Variants in AKR1B15 observed in about 807,000 individuals in gnomAD.
AKR1B15 encodes estradiol 17-beta-dehydrogenase AKR1B15.
AKR1B15 carries 49 observed loss-of-function variants against 38.5 expected under a neutral mutation model. The observed-to-expected ratio is 1.27, with a 90% CI of 1.01 to 1.62. The LOEUF (loss-of-function observed/expected upper bound fraction) is 1.62, where lower values mean the gene tolerates loss of function less well. Among genes scored for constraint, AKR1B15 ranks in the 40% most tolerant of loss-of-function variants. The probability of loss-of-function intolerance (pLI) is 0.00; values close to 1 mark genes in which losing one functional copy is unlikely to be tolerated. For synonymous variants in AKR1B15, 137 were observed against 135.5 expected (o/e 1.01, Z -0.08); for missense variants, 411 against 381.6 (o/e 1.08, Z -0.64).
intron 11 of AKR1B15, among the ~76,000 whole-genome samples, chr7:134,579,063 A>G (rs1794824548): frequency 6.6e-6 from 1 of 152,204 alleles, no homozygotes. Flanking sequence ...ATAAAGTAGG[A>G]TGATAATACT....
At chr7:134,549,783 G>C (rs1453294035) in intron 1 of AKR1B15, among the ~76,000 whole-genome samples, 2 of 152,176 alleles carry the variant, frequency 1.3e-5, no homozygotes, top group African/African-American at 4.8e-5. Flanking sequence ...ATATACCCCA[G>C]TGCCTATTGT....
At chr7:134,577,113 A>G (rs1047165171) in intron 10 of AKR1B15, 67 bp downstream of exon 10, 18 of 1,471,156 alleles carry the variant, frequency 1.2e-5, no homozygotes, top group Non-Finnish European at 1.7e-5. Context: ...CCTTCTCACT[A>G]GGCTTCTCAC....
chr7:134,571,969 G>C (rs1024705152), intron 6 of AKR1B15, among the ~76,000 whole-genome samples: 5 of 152,148 alleles, frequency 3.3e-5, no homozygotes, highest in African/African-American at 1.2e-4. Context: ...TGGAACAGAG[G>C]GTTTGGGCCT....
intron 7 of AKR1B15, 91 bp downstream of exon 7, chr7:134,575,633 A>T: frequency 3.2e-6 from 5 of 1,584,210 alleles, no homozygotes; most frequent in Non-Finnish European, 4.3e-6. Context: ...CCTGAGTCTT[A>T]TCTCAGGGGT....
rs985705364 is a variant in AKR1B15 at position 134,559,197 on chromosome 7, G to A, written c.-23+2338G>A. On this transcript the variant is annotated intron_variant, in intron 2 of 11. Coordinates refer to ENST00000457545, the MANE Select transcript of AKR1B15 (RefSeq NM_001080538.3). ...TTTTTAACCCTTCAGTTTGATGCCTGTTCAGTCATCCCGTATGGAGATGAG... is the reference window on the plus strand; with the variant it reads ...TTTTTAACCCTTCAGTTTGATGCCTATTCAGTCATCCCGTATGGAGATGAG... 2.6e-5 allele frequency among the ~76,000 whole-genome samples: 4 copies of A among 152,224 alleles called. No individual in the cohort carries two copies. The South Asian group carries it at 8.3e-4, about 32-fold the overall frequency.
At chr7:134,573,860 A>C (rs1794711322) in intron 6 of AKR1B15, among the ~76,000 whole-genome samples, 1 of 152,190 alleles carries the variant, frequency 6.6e-6, no homozygotes, top group South Asian at 2.1e-4. Flanking sequence ...CTCAGACAAA[A>C]TCAGTAAGAA....
At chr7:134,560,097 G>T (rs1051080599) in intron 2 of AKR1B15, among the ~76,000 whole-genome samples, 8 of 142,528 alleles carry the variant, frequency 5.6e-5, no homozygotes, top group African/African-American at 1.8e-4. Context: ...GACAGAGCGA[G>T]ACTCCACCTA....
In AKR1B15 at chr7:134,576,311, C is replaced by A. The variant is rs1288996533; in HGVS notation, c.744-38C>A. The A allele has an allele frequency of 3.8e-6, 6 of 1,591,266 alleles. No homozygotes were observed. The East Asian group carries it at 1.3e-4, about 36-fold the overall frequency. The stretch of plus-strand genomic sequence containing the variant: ...GTGGTGTCCTTCTGTACACGGTAGC[C>A]ATGGTGATTATTCACATCAGCATCT... On this transcript the variant is annotated intron_variant, in intron 8 of 11. Transcript: ENST00000457545.
intron 6 of AKR1B15, among the ~76,000 whole-genome samples, chr7:134,572,536 G>C (rs909511998): frequency 2.3e-4 from 35 of 151,954 alleles, no homozygotes; most frequent in African/African-American, 8.2e-4. Context: ...GCTGAGGCAG[G>C]AGAATTGTGT....
intron 3 of AKR1B15, among the ~76,000 whole-genome samples, chr7:134,566,570 C>G (rs1296301163): frequency 1.3e-5 from 2 of 152,186 alleles, no homozygotes; most frequent in African/African-American, 4.8e-5. Flanking sequence ...CACTGCCTCC[C>G]TCTGCCTTCT....
intron 2 of AKR1B15, among the ~76,000 whole-genome samples, chr7:134,563,463 G>C (rs1245431549): frequency 2.6e-5 from 4 of 152,154 alleles, no homozygotes; most frequent in African/African-American, 9.7e-5. Flanking sequence ...CAGGAGAATT[G>C]CTTGAACCTG....
At chr7:134,575,395 C>A (rs1281256486) in intron 6 of AKR1B15, 25 bp from the exon 7 acceptor site, 4 of 1,612,958 alleles carry the variant, frequency 2.5e-6, no homozygotes, top group Non-Finnish European at 3.4e-6. Context: ...TAGAGCTGCC[C>A]ATAAGGTATT....
intron 1 of AKR1B15, among the ~76,000 whole-genome samples, chr7:134,555,835 T>C (rs77740601): frequency 0.018 from 2,715 of 152,280 alleles, 36 homozygotes; most frequent in Middle Eastern, 0.061. Flanking sequence ...CTTTTACCTT[T>C]GTCCTGGAAA....
rs1181135610 is a variant in AKR1B15 at position 134,575,529 on chromosome 7, C to T, written c.623C>T (p.Pro208Leu). The change falls in exon 7 of 12, where the codon CCA (proline) becomes CTA (leucine). Residue 208 changes from proline to leucine, a missense_variant. Around this residue, in one of 3 missense-constraint regions of AKR1B15, gnomAD observed 24 missense variants for 48.9 expected, o/e 0.49. Transcript: ENST00000457545. Reference protein sequence around the residue: ...LLNKPGLKYKPVTNQVECHPY... With the variant: ...LLNKPGLKYKLVTNQVECHPY... Reference sequence around the variant, plus strand: ...AACAAACCTGGACTGAAATATAAACCAGTGACTAACCAGGTAAATTCTATT... The same window carrying T: ...AACAAACCTGGACTGAAATATAAACTAGTGACTAACCAGGTAAATTCTATT... The T allele has an allele frequency of 6.2e-7, 1 of 1,613,810 alleles. No homozygotes were observed. The highest frequency in any genetic ancestry group is 2.2e-5 in the East Asian group (1 of 44,870).
chr7:134,570,309 T>C (rs1794642099), intron 5 of AKR1B15: 1 of 152,172 alleles, frequency 6.6e-6, no homozygotes, highest in African/African-American at 2.4e-5. Flanking sequence ...TGCCCGAAAC[T>C]TCATTAGCAA....
intron 11 of AKR1B15, among the ~76,000 whole-genome samples, chr7:134,578,996 C>A (rs534857100): frequency 1.3e-5 from 2 of 152,310 alleles, no homozygotes; most frequent in African/African-American, 4.8e-5. Flanking sequence ...ACACTGGTTT[C>A]TTCGCTGTGT....
intron 1 of AKR1B15, among the ~76,000 whole-genome samples, chr7:134,551,192 T>C (rs1159847265): frequency 6.6e-6 from 1 of 152,172 alleles, no homozygotes. Context: ...GAATCTTCCC[T>C]TGTCTCCTCA....
At position 134,576,415 on chromosome 7, in the gene AKR1B15, A is replaced by C. The variant is rs1451340305; in HGVS notation, c.810A>C (p.Lys270Asn). The C allele has an allele frequency of 1.2e-6, 2 of 1,614,154 alleles. No homozygotes were observed. The highest frequency in any genetic ancestry group is 1.7e-6 in the Non-Finnish European group (2 of 1,179,988). Reference sequence around the variant, plus strand: ...TTAAGGAGATTGCTGCAAAGCACAAAAAAACCACAGCCCAGGTACCATATT... The same window carrying C: ...TTAAGGAGATTGCTGCAAAGCACAACAAAACCACAGCCCAGGTACCATATT... ...PKIKEIAAKHKKTTAQVLIRF... is the reference protein window; with the variant it reads ...PKIKEIAAKHNKTTAQVLIRF... The change falls in exon 9 of 12, where the codon AAA (lysine) becomes AAC (asparagine). Residue 270 changes from lysine to asparagine, a missense_variant. By Grantham distance (94) the Lys-to-Asn change is moderately conservative. Around this residue, in one of 3 missense-constraint regions of AKR1B15, gnomAD observed 133 missense variants for 120.3 expected, o/e 1.11. Transcript: ENST00000457545.
chr7:134,559,027 C>T (rs138413574), intron 2 of AKR1B15, among the ~76,000 whole-genome samples: 49 of 152,250 alleles, frequency 3.2e-4, no homozygotes, highest in African/African-American at 1.1e-3. Context: ...AAGAAGGTGC[C>T]GCCACCTCCA....
Sources: allele counts gnomAD v4.1 joint callset (sites outside exome capture counted in the v4.1 genomes callset), GRCh38; gene constraint gnomAD v4.1.1; regional missense constraint gnomAD v4.1.1; transcripts MANE v1.5; gene names NCBI Gene and HGNC (gene_info 2026-07-23, HGNC 2026-07-21).